NOL10: variants seen among roughly 807,000 people sequenced by gnomAD.
The protein encoded by NOL10 is H_NH0074G24.1.
NOL10 carries 58 observed loss-of-function variants against 103.5 expected under a neutral mutation model. The ratio of observed to expected loss-of-function variants is 0.56; its 90% CI spans 0.45 to 0.70. The LOEUF (loss-of-function observed/expected upper bound fraction) is 0.70. Among genes scored for constraint, NOL10 ranks in the 30% least tolerant of loss-of-function variants. The pLI, the probability that NOL10 is intolerant of heterozygous loss-of-function variation, is 0.00. For synonymous variants in NOL10, 287 were observed against 282.5 expected, an observed-to-expected ratio of 1.02 and a Z score of -0.16; for missense variants, 763 against 807.3, an observed-to-expected ratio of 0.95 and a Z score of 0.67.
chr2:10,673,621 T>G, intron 4 of NOL10, 64 bp from the exon 5 acceptor site: 1 of 1,078,714 alleles, frequency 9.3e-7, no homozygotes, highest in Middle Eastern at 2.0e-4. Flanking sequence ...AACGCAAACC[T>G]GATGCAAAGA....
intron 10 of NOL10, among the ~76,000 whole-genome samples, chr2:10,658,155 A>T (rs773197842): frequency 6.6e-6 from 1 of 152,230 alleles, no homozygotes; most frequent in South Asian, 2.1e-4. Flanking sequence ...ATGAAAGCCC[A>T]TAAGAATTTA....
intron 19 of NOL10, among the ~76,000 whole-genome samples, chr2:10,579,575 T>TTC (rs1558265220): frequency 7.7e-6 from 1 of 130,544 alleles, no homozygotes; most frequent in Non-Finnish European, 1.8e-5. Context: ...TTTTTTTTTT[T>TTC]CCGAACAATT....
chr2:10,613,098 G>C (rs986977381), intron 13 of NOL10, among the ~76,000 whole-genome samples: 1 of 151,538 alleles, frequency 6.6e-6, no homozygotes, highest in African/African-American at 2.4e-5. Flanking sequence ...TTTAATTTCA[G>C]GAATAAAACT....
intron 17 of NOL10, among the ~76,000 whole-genome samples, chr2:10,594,208 T>A (rs1238007077): frequency 6.6e-6 from 1 of 152,208 alleles, no homozygotes; most frequent in Admixed American, 6.5e-5. Flanking sequence ...CTTACACTGT[T>A]ATTTTAGAGA....
At chr2:10,588,933 T>C (rs1383279544) in intron 19 of NOL10, 110 bp downstream of exon 19, 3 of 1,480,700 alleles carry the variant, frequency 2.0e-6, no homozygotes, top group African/African-American at 1.4e-5. Context: ...CTCCACCCTC[T>C]GCACCTCCAT....
intron 13 of NOL10, among the ~76,000 whole-genome samples, chr2:10,618,446 C>T (rs994708397): frequency 3.9e-5 from 6 of 152,062 alleles, no homozygotes; most frequent in South Asian, 2.1e-4. Flanking sequence ...ACCTTTCTGG[C>T]GAGAATCACA....
chr2:10,643,191 G>T (rs188665346), intron 13 of NOL10, among the ~76,000 whole-genome samples: 2 of 152,258 alleles, frequency 1.3e-5, no homozygotes, highest in East Asian at 3.9e-4. Context: ...ATATCTCTAA[G>T]TGCTTTCAAC....
chr2:10,647,454 G>T (rs1679160271), intron 12 of NOL10, among the ~76,000 whole-genome samples: 1 of 152,240 alleles, frequency 6.6e-6, no homozygotes, highest in Admixed American at 6.5e-5. Flanking sequence ...CCAAATGTGT[G>T]ATCATTTTCC....
chr2:10,572,289 G>T, intron 20 of NOL10, 99 bp from the exon 21 acceptor site: 1 of 1,299,084 alleles, frequency 7.7e-7, no homozygotes, highest in Non-Finnish European at 1.1e-6. Context: ...ACCAATCTCA[G>T]AACTGCTGCC....
At chr2:10,579,684 T>C (rs1013734621) in intron 19 of NOL10, among the ~76,000 whole-genome samples, 2 of 152,070 alleles carry the variant, frequency 1.3e-5, no homozygotes, top group Non-Finnish European at 2.9e-5. Context: ...TTTCTTTTCA[T>C]AGCTATAAAC....
In NOL10 at chr2:10,589,325, C is replaced by T. The variant is rs536761832; in HGVS notation, c.1597-35G>A. 2.5e-6 allele frequency: 4 copies of T among 1,608,888 alleles called. No individual in the cohort carries two copies. The East Asian group carries it at 6.7e-5, about 27-fold the overall frequency. The stretch of plus-strand genomic sequence containing the variant: ...AAAATAGTAAGCAGCAACTCCTTTC[C>T]CCCAGTCAAACACAGACCCCTTGGT... On this transcript the variant is annotated intron_variant, in intron 18 of 20. Transcript: ENST00000381685.
chr2:10,588,885 C>T (rs1675253554), intron 19 of NOL10, among the ~76,000 whole-genome samples, 158 bp downstream of exon 19: 1 of 152,190 alleles, frequency 6.6e-6, no homozygotes, highest in Non-Finnish European at 1.5e-5. Flanking sequence ...CTCACATCAC[C>T]TCCTGCACGG....
chr2:10,678,892 T>G (rs1010723382), intron 3 of NOL10, among the ~76,000 whole-genome samples: 9 of 151,430 alleles, frequency 5.9e-5, no homozygotes, highest in African/African-American at 7.2e-5. Context: ...CAGCCACTAG[T>G]AATGTGAGGC....
chr2:10,637,735 T>C (rs995455941), intron 13 of NOL10, among the ~76,000 whole-genome samples: 6 of 152,222 alleles, frequency 3.9e-5, no homozygotes, highest in African/African-American at 1.4e-4. Flanking sequence ...TGTCCTCTAT[T>C]TGCGAAGACA....
chr2:10,627,705 A>C (rs976621122), intron 13 of NOL10, among the ~76,000 whole-genome samples: 5 of 151,618 alleles, frequency 3.3e-5, no homozygotes, highest in South Asian at 2.1e-4. Context: ...CAAACAAAAA[A>C]AAACAAACAA....
At chr2:10,647,321 T>G (rs1679153715) in intron 12 of NOL10, among the ~76,000 whole-genome samples, 1 of 152,196 alleles carries the variant, frequency 6.6e-6, no homozygotes, top group South Asian at 2.1e-4. Flanking sequence ...ACAAACACAG[T>G]GCTCTACAGC....
intron 13 of NOL10, among the ~76,000 whole-genome samples, chr2:10,642,919 G>A (rs1028707847): frequency 2.6e-5 from 4 of 152,080 alleles, no homozygotes; most frequent in African/African-American, 9.7e-5. Context: ...CTTTCTTGTT[G>A]GATTCCCAAC....
intron 17 of NOL10, among the ~76,000 whole-genome samples, chr2:10,594,130 T>C (rs561276897): frequency 8.0e-5 from 11 of 136,886 alleles, no homozygotes; most frequent in South Asian, 4.6e-4. Context: ...ACTTCTAGAC[T>C]GAGATGGGCT....
chr2:10,668,312 A>G (rs1490537389), intron 7 of NOL10, among the ~76,000 whole-genome samples: 1 of 152,216 alleles, frequency 6.6e-6, no homozygotes, highest in African/African-American at 2.4e-5. Flanking sequence ...ATAAAAATTT[A>G]AAAATGGCAC....
Sources: allele counts gnomAD v4.1 joint callset (sites outside exome capture counted in the v4.1 genomes callset), GRCh38; gene constraint gnomAD v4.1.1; transcripts MANE v1.5; gene names NCBI Gene and HGNC (gene_info 2026-07-23, HGNC 2026-07-21).